The following WDR59 variants were observed in gnomAD, a reference collection of about 807,000 sequenced individuals.
WDR59 encodes the protein GATOR2 complex protein WDR59.
A neutral mutation model predicts 131.2 loss-of-function variants in WDR59; 100 were observed. The ratio of observed to expected loss-of-function variants is 0.76; its 90% CI spans 0.65 to 0.90. The LOEUF (loss-of-function observed/expected upper bound fraction) is 0.90, where lower values mean the gene tolerates loss of function less well. WDR59 is among the 40% of genes least tolerant of loss of function. WDR59 has a pLI of 0.00. For missense variants in WDR59, 1,203 were observed against 1,262.2 expected, an observed-to-expected ratio of 0.95 and a Z score of 0.71; for synonymous variants, 601 against 466.2, an observed-to-expected ratio of 1.29 and a Z score of -3.72.
chr16:74,909,801 T>C (rs769855792), intron 15 of WDR59, 21 bp downstream of exon 15: 73 of 1,604,576 alleles, frequency 4.5e-5, no homozygotes, highest in South Asian at 1.9e-4. Context: ...TAAGTTGGTA[T>C]GACAGTTTCA....
chr16:74,882,909 C>T (rs1964570371), intron 25 of WDR59, among the ~76,000 whole-genome samples: 1 of 149,762 alleles, frequency 6.7e-6, no homozygotes, highest in Non-Finnish European at 1.5e-5. Flanking sequence ...TCAAATCATT[C>T]TATGCATCTT....
intron 7 of WDR59, among the ~76,000 whole-genome samples, chr16:74,939,450 C>G (rs926776593): frequency 6.6e-6 from 1 of 151,562 alleles, no homozygotes; most frequent in Admixed American, 6.6e-5. Context: ...GAAAATTATA[C>G]TTAGAGCTTA....
intron 8 of WDR59, among the ~76,000 whole-genome samples, chr16:74,929,248 T>G (rs576385493): frequency 2.6e-5 from 4 of 152,298 alleles, no homozygotes; most frequent in Admixed American, 2.6e-4. Context: ...CTAATTTTTT[T>G]GTATTTTTAG....
intron 1 of WDR59, among the ~76,000 whole-genome samples, chr16:74,971,409 C>T (rs1597814741): frequency 2.1e-5 from 3 of 144,076 alleles, no homozygotes; most frequent in African/African-American, 5.1e-5. Context: ...CATCAGTTTT[C>T]CTTCCTTCTT....
chr16:74,886,489 T>A, intron 23 of WDR59, 93 bp from the exon 24 acceptor site: 1 of 1,483,430 alleles, frequency 6.7e-7, no homozygotes, highest in Non-Finnish European at 9.0e-7. Context: ...GGCCAATGGA[T>A]TTCCCAGAAG....
Position 74,874,207 on chromosome 16 carries a change from G to A in WDR59, c.*2C>T. 6.2e-7 allele frequency: 1 copy of A among 1,612,500 alleles called. No individual in the cohort carries two copies. The highest frequency in any genetic ancestry group is 8.5e-7 in the Non-Finnish European group (1 of 1,178,928). Reference sequence around the variant, plus strand: ...TTCAGACAATACCCAACTTCTGTAGGTTCAGAAAGTGCTTTCAAGCAGGCA... The same window carrying A: ...TTCAGACAATACCCAACTTCTGTAGATTCAGAAAGTGCTTTCAAGCAGGCA... On this transcript the variant is annotated 3_prime_UTR_variant, in exon 26 of 26. Transcript: ENST00000262144.
chr16:74,957,580 A>T (rs2033355952), intron 2 of WDR59, among the ~76,000 whole-genome samples: 1 of 152,216 alleles, frequency 6.6e-6, no homozygotes, highest in Non-Finnish European at 1.5e-5. Flanking sequence ...ACAAAAAGGA[A>T]TAATAATTAA....
intron 14 of WDR59, among the ~76,000 whole-genome samples, chr16:74,911,367 T>C (rs1029072807): frequency 6.6e-6 from 1 of 152,174 alleles, no homozygotes. Flanking sequence ...TTCCATGTGA[T>C]ACCCCCAACA....
In WDR59 at chr16:74,942,722, A is replaced by G. The variant is rs1567416588; in HGVS notation, c.534+16T>C. Reference sequence around the variant, plus strand: ...GGGATCAAAGACCAATAAGGGCGAAAAAAGAGATTACTCACCCTCTTATCC... The same window carrying G: ...GGGATCAAAGACCAATAAGGGCGAAGAAAGAGATTACTCACCCTCTTATCC... On this transcript the variant is annotated intron_variant, in intron 7 of 25. Transcript: ENST00000262144. 6.2e-7 allele frequency: 1 copy of G among 1,613,170 alleles called. No homozygotes were observed. The highest frequency in any genetic ancestry group is 8.5e-7 in the Non-Finnish European group (1 of 1,179,172).
chr16:74,924,068 C>G, intron 8 of WDR59, 65 bp from the exon 9 acceptor site: 4 of 1,509,682 alleles, frequency 2.6e-6, no homozygotes, highest in Non-Finnish European at 3.6e-6. Context: ...CTGAAATAAG[C>G]ACAGCCTTTG....
intron 8 of WDR59, among the ~76,000 whole-genome samples, chr16:74,929,263 G>C (rs1445963207): frequency 6.6e-6 from 1 of 152,126 alleles, no homozygotes; most frequent in Non-Finnish European, 1.5e-5. Flanking sequence ...TTTTAGTAGA[G>C]ACGGGGTTTC....
chr16:74,884,934 C>A (rs930370938), intron 25 of WDR59, among the ~76,000 whole-genome samples: 1 of 152,210 alleles, frequency 6.6e-6, no homozygotes, highest in Non-Finnish European at 1.5e-5. Flanking sequence ...GATTCTCCCT[C>A]TCTGTTCTCC....
chr16:74,879,071 GACC>G (rs944566571), intron 25 of WDR59, among the ~76,000 whole-genome samples: 1 of 152,182 alleles, frequency 6.6e-6, no homozygotes, highest in Non-Finnish European at 1.5e-5. Context: ...AGCTGACACT[GACC>G]AGGAGCAGCT....
intron 24 of WDR59, chr16:74,886,036 G>C: frequency 1.5e-6 from 1 of 665,016 alleles, no homozygotes; most frequent in Non-Finnish European, 2.4e-6. Context: ...AAATTAGCCA[G>C]TCATGGTGGC....
rs199518523 is a variant in WDR59, at chr16:74,888,277, C to T, written c.2238G>A (p.Ala746=). The T allele has an allele frequency of 4.2e-5, 67 of 1,613,974 alleles. 1 individual carries two copies. The highest frequency in any genetic ancestry group is 3.3e-4 in the Middle Eastern group (2 of 6,058). The part of the protein sequence containing the change: ...YCRLRDVQTL[A]MLCSVFEAQS... ...GGGCTTCAAACACGCTACAGAGCAT[C>T]GCCAGTGTCTGAACATCCCGGAGCC... is the stretch of plus-strand genomic sequence containing the variant. Residue 746 remains alanine, a synonymous_variant, in exon 22 of 26, where the codon GCG becomes GCA. Transcript: ENST00000262144.
intron 8 of WDR59, among the ~76,000 whole-genome samples, chr16:74,932,257 T>C (rs1468287542): frequency 6.6e-6 from 1 of 151,402 alleles, no homozygotes; most frequent in Non-Finnish European, 1.5e-5. Flanking sequence ...CCAGCCCAGC[T>C]ATTTTTTTAT....
intron 3 of WDR59, among the ~76,000 whole-genome samples, chr16:74,952,055 A>G (rs2033033796): frequency 6.6e-6 from 1 of 151,542 alleles, no homozygotes; most frequent in Non-Finnish European, 1.5e-5. Flanking sequence ...AGGCTCAAAC[A>G]ATCCCCTTGC....
At chr16:74,920,322 A>G (rs1003365243) in intron 10 of WDR59, among the ~76,000 whole-genome samples, 2 of 152,146 alleles carry the variant, frequency 1.3e-5, no homozygotes, top group African/African-American at 4.8e-5. Context: ...GCCCAAATGT[A>G]GGCCGATGGA....
rs951931394 is a variant in WDR59, at chr16:74,880,214, G to A, written c.2689+5439C>T. Among the ~76,000 whole-genome samples, 11 of 152,104 alleles carry A rather than the reference G, an allele frequency of 7.2e-5. No individual in the cohort carries two copies. In the South Asian group the frequency reaches 1.2e-3, roughly 17 times the overall value. On this transcript the variant is annotated intron_variant, in intron 25 of 25. Coordinates refer to ENST00000262144, the MANE Select transcript of WDR59 (RefSeq NM_030581.4). Reference sequence around the variant, plus strand: ...TGTAATCCCAGCACTTTGGGAGGCCGAGGCAGGAGGACCATGAGGTCAGGA... The same window carrying A: ...TGTAATCCCAGCACTTTGGGAGGCCAAGGCAGGAGGACCATGAGGTCAGGA...
Sources: allele counts gnomAD v4.1 joint callset (sites outside exome capture counted in the v4.1 genomes callset), GRCh38; gene constraint gnomAD v4.1.1; transcripts MANE v1.5; gene names NCBI Gene and HGNC (gene_info 2026-07-23, HGNC 2026-07-21).